TSPAN18: variants seen among roughly 807,000 people sequenced by gnomAD.
TSPAN18 encodes tetraspanin-18.
Under a neutral mutation model 27.3 loss-of-function variants are expected in TSPAN18, and 14 were observed. That is an observed-to-expected ratio of 0.51 (90% CI 0.34 to 0.80). TSPAN18 has a LOEUF of 0.80. Ranked by LOEUF, TSPAN18 falls within the 30% of genes least tolerant of loss-of-function variation. The pLI, the probability that TSPAN18 is intolerant of heterozygous loss-of-function variation, is 0.01. For missense variants in TSPAN18, 268 were observed against 323.9 expected (o/e 0.83, Z 1.32); for synonymous variants, 143 against 136.5 (o/e 1.05, Z -0.33).
intron 1 of TSPAN18, among the ~76,000 whole-genome samples, chr11:44,744,101 T>C (rs559277997): frequency 8.5e-4 from 130 of 152,240 alleles, no homozygotes; most frequent in African/African-American, 3.1e-3. Flanking sequence ...TCTGCAAATG[T>C]TAATAAAGAC....
At chr11:44,751,365 G>A (rs1276602230) in intron 1 of TSPAN18, among the ~76,000 whole-genome samples, 2 of 152,136 alleles carry the variant, frequency 1.3e-5, no homozygotes, top group South Asian at 2.1e-4. Flanking sequence ...GCTGCCTGGG[G>A]TTCAGATGCT....
chr11:44,930,951 C>A lies in TSPAN18; in HGVS notation c.*1773C>A. On this transcript the variant is annotated 3_prime_UTR_variant, in exon 10 of 10. Coordinates refer to ENST00000520358, the MANE Select transcript of TSPAN18 (RefSeq NM_130783.5). ...AGGCTTTCCAGTCACCAGGGACACT[C>A]GGAGCCACAGCCTAGAGCCCCGTGT... 1 of 509,630 alleles carries A rather than the reference C, an allele frequency of 2.0e-6. No homozygotes were observed. The highest frequency in any genetic ancestry group is 4.0e-6 in the Non-Finnish European group (1 of 248,506). The allele number at this position is 509,630 out of a possible 1,614,324, so 31.6% of individuals were successfully genotyped here. A position where few individuals can be genotyped will look rare whatever the true frequency, so the allele number is the denominator to read the frequency against.
chr11:44,854,010 G>A (rs566921862), intron 2 of TSPAN18, among the ~76,000 whole-genome samples: 34 of 152,242 alleles, frequency 2.2e-4, no homozygotes, highest in Non-Finnish European at 2.9e-4. Flanking sequence ...AAAATATTTC[G>A]TTTTGGTGTA....
At chr11:44,828,373 A>G (rs1857087892) in intron 2 of TSPAN18, among the ~76,000 whole-genome samples, 1 of 152,192 alleles carries the variant, frequency 6.6e-6, no homozygotes, top group South Asian at 2.1e-4. Context: ...GGAAGCCTCG[A>G]TCTTCCATGA....
rs576341145 is a variant in TSPAN18, at chr11:44,846,606, T to TGTGTGTGTGTGTGTG, written c.-152-13722_-152-13721insGTGTGTGTGTGTGTG. Among the ~76,000 whole-genome samples, 205 of 151,226 alleles carry TGTGTGTGTGTGTGTG rather than the reference T, an allele frequency of 1.4e-3. 2 individuals are homozygous for TGTGTGTGTGTGTGTG. Among genetic ancestry groups the TGTGTGTGTGTGTGTG allele is most frequent in the African/African-American group, 4.7e-3 (192 of 41,286 alleles). On this transcript the variant is annotated intron_variant, in intron 2 of 9. Coordinates refer to ENST00000520358, the MANE Select transcript of TSPAN18 (RefSeq NM_130783.5). The stretch of plus-strand genomic sequence containing the variant: ...CAAGAGGCTGTCTGTGTGTGTGTGT[T>TGTGTGTGTGTGTGTG]TGTGTGTGTGTCTATGTGTCTATGT...
chr11:44,909,941 G>A lies in TSPAN18; in HGVS notation c.258+42G>A, dbSNP rs748205022. ...CCACCCCATCCATGGGTGCTCTGAG[G>A]GGTGTCAGGGATTGGCTGCAGACTC... On this transcript the variant is annotated intron_variant, in intron 5 of 9. Coordinates refer to ENST00000520358, the MANE Select transcript of TSPAN18 (RefSeq NM_130783.5). The A allele has an allele frequency of 4.5e-5, 70 of 1,564,486 alleles. 1 individual carries two copies. Among genetic ancestry groups the A allele is most frequent in the Non-Finnish European group, 5.7e-5 (66 of 1,153,138 alleles).
At chr11:44,872,473 G>T (rs902850990) in intron 3 of TSPAN18, among the ~76,000 whole-genome samples, 1 of 152,166 alleles carries the variant, frequency 6.6e-6, no homozygotes, top group Admixed American at 6.5e-5. Context: ...TGCAGTGCCC[G>T]GCACATGCTA....
intron 2 of TSPAN18, among the ~76,000 whole-genome samples, chr11:44,848,545 G>A (rs998075285): frequency 3.3e-5 from 5 of 152,164 alleles, no homozygotes; most frequent in African/African-American, 9.7e-5. Context: ...CCTGTTACTC[G>A]CCTGGCTGAG....
At chr11:44,851,618 C>CG (rs1554991775) in intron 2 of TSPAN18, among the ~76,000 whole-genome samples, 1 of 147,516 alleles carries the variant, frequency 6.8e-6, no homozygotes, top group African/African-American at 2.5e-5. Context: ...TGTCACCTCC[C>CG]CCCCCCAACG....
chr11:44,772,810 C>T (rs1340011512), intron 2 of TSPAN18, among the ~76,000 whole-genome samples: 2 of 152,254 alleles, frequency 1.3e-5, no homozygotes, highest in East Asian at 1.9e-4. Flanking sequence ...AGACATGTGC[C>T]ACCACGCCCA....
At chr11:44,854,312 C>T (rs1458362530) in intron 2 of TSPAN18, among the ~76,000 whole-genome samples, 1 of 152,072 alleles carries the variant, frequency 6.6e-6, no homozygotes, top group Non-Finnish European at 1.5e-5. Context: ...CCAGCCTCAC[C>T]TGGAACACCG....
chr11:44,827,122 C>G (rs1432212893), intron 2 of TSPAN18, among the ~76,000 whole-genome samples: 1 of 152,214 alleles, frequency 6.6e-6, no homozygotes, highest in Non-Finnish European at 1.5e-5. Flanking sequence ...CCACTGCGCT[C>G]CTTCCCGCCT....
At chr11:44,912,475 G>A (rs1859758322) in intron 5 of TSPAN18, among the ~76,000 whole-genome samples, 1 of 152,040 alleles carries the variant, frequency 6.6e-6, no homozygotes, top group African/African-American at 2.4e-5. Context: ...CACAGTGTGG[G>A]TCAGAGGCAA....
intron 3 of TSPAN18, among the ~76,000 whole-genome samples, chr11:44,899,134 C>T (rs1859168464): frequency 6.6e-6 from 1 of 152,214 alleles, no homozygotes; most frequent in African/African-American, 2.4e-5. Context: ...CGGGTACAAA[C>T]AGGGAGTGGA....
intron 1 of TSPAN18, among the ~76,000 whole-genome samples, chr11:44,759,378 C>T (rs1014775879): frequency 7.2e-5 from 11 of 152,288 alleles, no homozygotes; most frequent in African/African-American, 1.9e-4. Flanking sequence ...TCTCCTCAGA[C>T]CTACTGACTC....
At chr11:44,891,157 C>T (rs1465010381) in intron 3 of TSPAN18, among the ~76,000 whole-genome samples, 2 of 152,254 alleles carry the variant, frequency 1.3e-5, no homozygotes, top group South Asian at 2.1e-4. Flanking sequence ...GGCAACAGGG[C>T]GAGACCCTGT....
chr11:44,883,757 A>T (rs1198586655), intron 3 of TSPAN18, among the ~76,000 whole-genome samples: 1 of 152,180 alleles, frequency 6.6e-6, no homozygotes, highest in Non-Finnish European at 1.5e-5. Context: ...TTGCCCTACC[A>T]GCTTTGGGAC....
At chr11:44,734,180 C>T (rs1230228995) in intron 1 of TSPAN18, among the ~76,000 whole-genome samples, 2 of 152,180 alleles carry the variant, frequency 1.3e-5, no homozygotes, top group Non-Finnish European at 2.9e-5. Flanking sequence ...TCTCCAGAAG[C>T]ACATACTGGC....
chr11:44,853,844 C>T (rs1053711717), intron 2 of TSPAN18, among the ~76,000 whole-genome samples: 2 of 152,116 alleles, frequency 1.3e-5, no homozygotes, highest in African/African-American at 4.8e-5. Context: ...GGCCGCAGCC[C>T]TCTGGGCCTC....
Sources: gnomAD v4.1 joint callset for allele counts (sites outside exome capture counted in the v4.1 genomes callset) on GRCh38, gnomAD v4.1.1 for gene constraint, MANE v1.5 for transcripts, NCBI Gene and HGNC (gene_info 2026-07-23, HGNC 2026-07-21) for gene names.